CTNND2: variants seen among roughly 807,000 people sequenced by gnomAD.
CTNND2 encodes catenin delta 2.
A neutral mutation model predicts 144.4 loss-of-function variants in CTNND2; 22 were observed. The ratio of observed to expected loss-of-function variants is 0.15; its 90% CI spans 0.11 to 0.22. CTNND2 has a LOEUF of 0.22. Among genes scored for constraint, CTNND2 ranks in the 10% least tolerant of loss-of-function variants. The pLI is 1.00. For missense variants in CTNND2, 1,353 were observed against 1,618.8 expected (o/e 0.84, Z 2.82); for synonymous variants, 751 against 695.6 (o/e 1.08, Z -1.25).
chr5:11,617,941 T>C (rs755730043), intron 2 of CTNND2, among the ~76,000 whole-genome samples: 12 of 152,212 alleles, frequency 7.9e-5, no homozygotes, highest in African/African-American at 2.9e-4. Context: ...CAAGTAAATA[T>C]AGTAATAGAT....
At chr5:11,669,043 T>C (rs772687760) in intron 2 of CTNND2, among the ~76,000 whole-genome samples, 4 of 152,208 alleles carry the variant, frequency 2.6e-5, no homozygotes, top group East Asian at 1.9e-4. Context: ...TGTCATTAGT[T>C]CTGTTTACGT....
chr5:11,457,426 T>C (rs1383867584), intron 3 of CTNND2, among the ~76,000 whole-genome samples: 2 of 152,210 alleles, frequency 1.3e-5, no homozygotes, highest in African/African-American at 4.8e-5. Context: ...TCCATGACAA[T>C]TGACTTCAGT....
intron 16 of CTNND2, among the ~76,000 whole-genome samples, chr5:11,039,887 C>T (rs1744504502): frequency 6.6e-6 from 1 of 152,018 alleles, no homozygotes; most frequent in Non-Finnish European, 1.5e-5. Flanking sequence ...CATGACGAAA[C>T]CCCATCTCTA....
At chr5:11,646,321 G>C (rs930216075) in intron 2 of CTNND2, among the ~76,000 whole-genome samples, 14 of 152,140 alleles carry the variant, frequency 9.2e-5, no homozygotes, top group African/African-American at 3.4e-4. Context: ...ATTTTATAAT[G>C]AGGCAAAAAT....
chr5:11,377,692 G>C (rs1048657452), intron 7 of CTNND2, among the ~76,000 whole-genome samples: 1 of 152,242 alleles, frequency 6.6e-6, no homozygotes, highest in East Asian at 1.9e-4. Context: ...TTCTGTGAAG[G>C]AAACAAAAAT....
chr5:11,006,814 C>T lies in CTNND2; in HGVS notation c.3084+11160G>A, dbSNP rs138163538. Among the ~76,000 whole-genome samples, 1,337 of 152,208 alleles carry T rather than the reference C, an allele frequency of 8.8e-3. 11 individuals are homozygous for T. Among genetic ancestry groups the T allele is most frequent in the Non-Finnish European group, 0.013 (864 of 68,014 alleles). On this transcript the variant is annotated intron_variant, in intron 18 of 21. Coordinates refer to ENST00000304623, the MANE Select transcript of CTNND2 (RefSeq NM_001332.4). ...GGAGAAGGATGGGGAGAGGACATTT[C>T]TCAAACATCGTAAGATAGAAGCACG...
chr5:11,595,057 G>A (rs1036566196), intron 2 of CTNND2, among the ~76,000 whole-genome samples: 3 of 152,288 alleles, frequency 2.0e-5, no homozygotes, highest in South Asian at 2.1e-4. Context: ...CAAGGGACAC[G>A]GGGAAGCTCC....
intron 3 of CTNND2, among the ~76,000 whole-genome samples, chr5:11,502,793 A>G (rs1770668234): frequency 6.6e-6 from 1 of 152,200 alleles, no homozygotes; most frequent in South Asian, 2.1e-4. Context: ...TGAAGAAGGA[A>G]GCTGTCAACA....
At chr5:11,251,579 C>T (rs142458728) in intron 9 of CTNND2, among the ~76,000 whole-genome samples, 65 of 152,280 alleles carry the variant, frequency 4.3e-4, no homozygotes, top group African/African-American at 1.5e-3. Context: ...CCCTCGGAAT[C>T]CCTCGAATTT....
chr5:11,732,506 T>G (rs1057007479), intron 1 of CTNND2, among the ~76,000 whole-genome samples: 37 of 152,204 alleles, frequency 2.4e-4, no homozygotes, highest in African/African-American at 8.9e-4. Flanking sequence ...ACACTCACAC[T>G]TTCTGTTTTG....
At chr5:11,250,521 T>A (rs10064383) in intron 9 of CTNND2, among the ~76,000 whole-genome samples, 395 of 4,238 alleles carry the variant, frequency 0.093, 4 homozygotes, top group East Asian at 0.24. Flanking sequence ...ATACATATAT[T>A]TTTTTTTTTT....
At chr5:11,669,783 T>G (rs945725573) in intron 2 of CTNND2, among the ~76,000 whole-genome samples, 1 of 152,160 alleles carries the variant, frequency 6.6e-6, no homozygotes, top group African/African-American at 2.4e-5. Context: ...ATTTCTTGTC[T>G]TCTGCTAGCT....
At chr5:11,410,448 T>C (rs984905354) in intron 5 of CTNND2, among the ~76,000 whole-genome samples, 6 of 152,190 alleles carry the variant, frequency 3.9e-5, no homozygotes, top group Non-Finnish European at 7.4e-5. Context: ...TTAGTGGGTA[T>C]TGGAGGAAAT....
intron 3 of CTNND2, among the ~76,000 whole-genome samples, chr5:11,538,964 T>C (rs554178127): frequency 1.3e-5 from 2 of 152,314 alleles, no homozygotes; most frequent in African/African-American, 4.8e-5. Flanking sequence ...AATGATGTAT[T>C]ACACATATAC....
At chr5:11,238,310 G>T (rs901804697) in intron 9 of CTNND2, among the ~76,000 whole-genome samples, 2 of 152,092 alleles carry the variant, frequency 1.3e-5, no homozygotes, top group African/African-American at 4.8e-5. Context: ...CCAAAGAACA[G>T]GCTGGAAGAG....
At chr5:11,109,134 T>C (rs1394389932) in intron 14 of CTNND2, among the ~76,000 whole-genome samples, 1 of 152,120 alleles carries the variant, frequency 6.6e-6, no homozygotes, top group Non-Finnish European at 1.5e-5. Flanking sequence ...AGCAATTCCT[T>C]AGAACTCAGC....
chr5:11,583,580 T>C (rs1469658277), intron 2 of CTNND2, among the ~76,000 whole-genome samples: 1 of 152,180 alleles, frequency 6.6e-6, no homozygotes, highest in Non-Finnish European at 1.5e-5. Flanking sequence ...ACTGAGATAA[T>C]GTCTAACATG....
chr5:11,637,685 AC>A (rs1781783853), intron 2 of CTNND2, among the ~76,000 whole-genome samples: 1 of 152,160 alleles, frequency 6.6e-6, no homozygotes, highest in South Asian at 2.1e-4. Flanking sequence ...GACCTTAAAA[AC>A]CTGAGCAACA....
chr5:11,868,712 T>C (rs1192567111), intron 1 of CTNND2, among the ~76,000 whole-genome samples: 4 of 152,086 alleles, frequency 2.6e-5, no homozygotes, highest in East Asian at 1.9e-4. Flanking sequence ...TGAGTTACCA[T>C]GGGAGTGGGA....
Sources: allele counts gnomAD v4.1 joint callset (sites outside exome capture counted in the v4.1 genomes callset), GRCh38; gene constraint gnomAD v4.1.1; transcripts MANE v1.5; gene names NCBI Gene and HGNC (gene_info 2026-07-23, HGNC 2026-07-21).